PTPRD: variants seen among roughly 807,000 people sequenced by gnomAD.
PTPRD encodes receptor-type tyrosine-protein phosphatase delta.
A neutral mutation model predicts 214.5 loss-of-function variants in PTPRD; 34 were observed. The observed-to-expected ratio is 0.16, with a 90% CI of 0.12 to 0.21. The LOEUF is 0.21. Among genes scored for constraint, PTPRD ranks in the 10% least tolerant of loss-of-function variants. PTPRD has a pLI of 1.00. For synonymous variants in PTPRD, 1,128 were observed against 845.7 expected (o/e 1.33, Z -5.79); for missense variants, 2,545 against 2,398.7 (o/e 1.06, Z -1.27).
chr9:9,703,497 GT>G (rs1346158791), intron 7 of PTPRD, among the ~76,000 whole-genome samples: 1 of 152,036 alleles, frequency 6.6e-6, no homozygotes, highest in Non-Finnish European at 1.5e-5. Context: ...AGAAACTTAG[GT>G]TTCACCCCAG....
intron 39 of PTPRD, among the ~76,000 whole-genome samples, chr9:8,347,358 T>C (rs1394820305): frequency 6.6e-6 from 1 of 152,276 alleles, no homozygotes; most frequent in East Asian, 1.9e-4. Flanking sequence ...TGTCGCCTAC[T>C]ATTCCACAAA....
intron 3 of PTPRD, among the ~76,000 whole-genome samples, chr9:10,299,077 C>T (rs1268608734): frequency 6.6e-6 from 1 of 151,994 alleles, no homozygotes; most frequent in Non-Finnish European, 1.5e-5. Context: ...AGTAAATGTT[C>T]AATTAAGTGT....
intron 8 of PTPRD, among the ~76,000 whole-genome samples, chr9:9,523,672 C>A (rs1445102733): frequency 2.6e-5 from 4 of 152,134 alleles, no homozygotes; most frequent in Non-Finnish European, 5.9e-5. Flanking sequence ...GACTCATTTA[C>A]TTGAGGCACT....
At chr9:8,437,294 A>AAAAG in intron 34 of PTPRD, 1 of 1,340,076 alleles carries the variant, frequency 7.5e-7, no homozygotes, top group Non-Finnish European at 1.0e-6. Context: ...TCTTCAAAAA[A>AAAAG]AAATGAAATG....
chr9:9,624,491 T>A (rs1414200450), intron 7 of PTPRD, among the ~76,000 whole-genome samples: 2 of 152,118 alleles, frequency 1.3e-5, no homozygotes, highest in Non-Finnish European at 2.9e-5. Flanking sequence ...TTTTGCCATG[T>A]TGGCCAGGCT....
intron 5 of PTPRD, among the ~76,000 whole-genome samples, chr9:9,844,361 T>C (rs1415133713): frequency 2.6e-5 from 4 of 151,940 alleles, no homozygotes; most frequent in Admixed American, 1.3e-4. Flanking sequence ...AGACTAATAC[T>C]ACATGATCTA....
intron 10 of PTPRD, among the ~76,000 whole-genome samples, chr9:9,068,061 T>A (rs191178185): frequency 3.3e-4 from 50 of 152,328 alleles, no homozygotes; most frequent in African/African-American, 7.9e-4. Flanking sequence ...CATTAAAAAA[T>A]TATATACATA....
At chr9:8,883,384 C>G (rs924651578) in intron 11 of PTPRD, among the ~76,000 whole-genome samples, 1 of 152,172 alleles carries the variant, frequency 6.6e-6, no homozygotes. Flanking sequence ...GCACAAATGC[C>G]TAGACACTTA....
At chr9:9,590,760 GAA>G (rs1432811163) in intron 7 of PTPRD, among the ~76,000 whole-genome samples, 1 of 152,000 alleles carries the variant, frequency 6.6e-6, no homozygotes, top group Non-Finnish European at 1.5e-5. Flanking sequence ...ATCTAGAAAT[GAA>G]AAGTTTCTCC....
chr9:9,459,067 G>C (rs192698678), intron 8 of PTPRD, among the ~76,000 whole-genome samples: 3 of 152,060 alleles, frequency 2.0e-5, no homozygotes, highest in South Asian at 4.1e-4. Flanking sequence ...AGAAGCTGGG[G>C]TGTGGAAAAG....
At chr9:8,598,731 T>C (rs545206108) in intron 14 of PTPRD, among the ~76,000 whole-genome samples, 8 of 152,136 alleles carry the variant, frequency 5.3e-5, no homozygotes, top group Admixed American at 1.3e-4. Context: ...GGATCTTTCA[T>C]TGGAAGAGCC....
chr9:9,125,949 C>T (rs376302407), intron 10 of PTPRD, among the ~76,000 whole-genome samples: 1 of 152,040 alleles, frequency 6.6e-6, no homozygotes, highest in African/African-American at 2.4e-5. Flanking sequence ...GGTGAATGGT[C>T]CAGGCAGAAG....
chr9:9,109,259 C>T (rs1445574565), intron 10 of PTPRD, among the ~76,000 whole-genome samples: 2 of 152,078 alleles, frequency 1.3e-5, no homozygotes, highest in Non-Finnish European at 2.9e-5. Flanking sequence ...AGATTAGCAG[C>T]AAAGCCTTTA....
At chr9:8,330,050 G>C (rs183408433) in intron 44 of PTPRD, among the ~76,000 whole-genome samples, 3 of 152,142 alleles carry the variant, frequency 2.0e-5, no homozygotes, top group African/African-American at 7.2e-5. Flanking sequence ...TGAAGACTGC[G>C]GGAGAAGTGC....
At chr9:8,505,650 A>G (rs1365973781) in intron 22 of PTPRD, among the ~76,000 whole-genome samples, 3 of 150,268 alleles carry the variant, frequency 2.0e-5, no homozygotes, top group Non-Finnish European at 4.4e-5. Flanking sequence ...AAAAAAGAAG[A>G]AGAAGAAGAA....
At chr9:9,472,297 G>A (rs1047146432) in intron 8 of PTPRD, among the ~76,000 whole-genome samples, 3 of 149,926 alleles carry the variant, frequency 2.0e-5, no homozygotes, top group Admixed American at 1.3e-4. Context: ...TCCGCTTCCC[G>A]GGTTCACGCC....
intron 14 of PTPRD, among the ~76,000 whole-genome samples, chr9:8,610,696 G>T (rs1301225054): frequency 6.6e-6 from 1 of 152,130 alleles, no homozygotes; most frequent in Non-Finnish European, 1.5e-5. Context: ...GCACCACTGT[G>T]GTTTCATTCA....
intron 12 of PTPRD, among the ~76,000 whole-genome samples, chr9:8,718,953 G>C (rs186735211): frequency 3.6e-4 from 54 of 152,092 alleles, no homozygotes; most frequent in African/African-American, 1.2e-3. Flanking sequence ...ATGGTACAGA[G>C]TATATCTACA....
chr9:10,145,412 G>T (rs1275031841), intron 3 of PTPRD, among the ~76,000 whole-genome samples: 1 of 152,128 alleles, frequency 6.6e-6, no homozygotes, highest in Non-Finnish European at 1.5e-5. Flanking sequence ...AAGACAAAGA[G>T]AAAGAAGACT....
Sources: allele counts gnomAD v4.1 joint callset (sites outside exome capture counted in the v4.1 genomes callset), GRCh38; gene constraint gnomAD v4.1.1; transcripts MANE v1.5; gene names NCBI Gene and HGNC (gene_info 2026-07-23, HGNC 2026-07-21).